MICAL3: variants seen among roughly 807,000 people sequenced by gnomAD.
MICAL3 encodes the protein [F-actin]-monooxygenase MICAL3.
In MICAL3, 62 loss-of-function variants were observed where a neutral mutation model predicts 207.4. The ratio of observed to expected loss-of-function variants is 0.30; its 90% confidence interval spans 0.24 to 0.37. The LOEUF (loss-of-function observed/expected upper bound fraction) is 0.37, where lower values mean the gene tolerates loss of function less well. MICAL3 is among the 10% of genes least tolerant of loss of function. The probability of loss-of-function intolerance (pLI) is 1.00; values close to 1 mark genes in which losing one functional copy is unlikely to be tolerated. For missense variants in MICAL3, 2,368 were observed against 2,635.6 expected (o/e 0.90, Z 2.22); for synonymous variants, 1,077 against 1,069.3 (o/e 1.01, Z -0.14).
intron 16 of MICAL3, among the ~76,000 whole-genome samples, chr22:17,873,061 A>T (rs1927889935): frequency 6.6e-6 from 1 of 152,210 alleles, no homozygotes; most frequent in Non-Finnish European, 1.5e-5. Flanking sequence ...ACGCAGGGGT[A>T]CCGGCACAGG....
chr22:17,927,579 A>C (rs141622378), intron 1 of MICAL3, among the ~76,000 whole-genome samples: 1 of 151,956 alleles, frequency 6.6e-6, no homozygotes, highest in Non-Finnish European at 1.5e-5. Flanking sequence ...TAACCTCCCA[A>C]CACCCCTGTA....
Position 17,872,011 on chromosome 22 carries a change from T to A in MICAL3, c.2254A>T (p.Lys752Ter). 1 of 1,604,550 alleles carries A rather than the reference T, an allele frequency of 6.2e-7. No homozygotes were observed. Reference protein sequence around the residue: ...IGIRRQGSMKKEFPQNLGGSD... With the variant: ...IGIRRQGSMK ...CCTCCCAGGTTCTGCGGGAACTCCT[T>A]CTTCATGGAGCCCTGCAGGAGGTGG... is the stretch of plus-strand genomic sequence containing the variant. The change falls in exon 17 of 32, where the codon AAG (lysine) becomes TAG (stop). Residue 752 changes from lysine (K) to a stop codon, truncating the protein, a stop_gained. Transcript: ENST00000441493. LOFTEE classifies it high-confidence loss of function.
rs749063227 is a variant in MICAL3, at chr22:17,791,065, C to T, written c.5757G>A (p.Arg1919=). The T allele has an allele frequency of 4.3e-6, 7 of 1,611,566 alleles. No homozygotes were observed. The highest frequency in any genetic ancestry group is 5.9e-6 in the Non-Finnish European group (7 of 1,179,650). Residue 1919 remains arginine (R), a synonymous_variant, in exon 31 of 32, where the codon CGG becomes CGA. Transcript: ENST00000441493. ...RYESELMIFA[R]ELELEDRQSR... is the part of the protein sequence containing the mutation. ...TCTGCCGGTCTTCCAGCTCCAGCTC[C>T]CGGGCACTGAGGAGGCAGGGCAGGA... is the stretch of plus-strand genomic sequence containing the variant.
chr22:17,854,636 G>C (rs1040234480), intron 19 of MICAL3, among the ~76,000 whole-genome samples: 1 of 152,194 alleles, frequency 6.6e-6, no homozygotes, highest in African/African-American at 2.4e-5. Flanking sequence ...CCAAGTAGCT[G>C]CATGAGCCGC....
At position 17,818,452 on chromosome 22, in the gene MICAL3, G is replaced by C. The variant is rs1367644136; in HGVS notation, c.4209C>G (p.Thr1403=). Residue 1403 remains threonine, a synonymous_variant, in exon 26 of 32, where the codon ACC becomes ACG. Coordinates refer to ENST00000441493, the MANE Select transcript of MICAL3 (RefSeq NM_015241.3). ...GCTCTCTGTCGGACGGGGACCGGGG[G>C]GTTGGCAGGGACAACGGCTCGCCTT... ...KPEGEPLSLP[T]PRSPSDRELR... 6.2e-7 allele frequency: 1 copy of C among 1,612,894 alleles called. No individual in the cohort carries two copies. The highest frequency in any genetic ancestry group is 1.3e-5 in the African/African-American group (1 of 74,950).
At chr22:17,981,999 G>A (rs1166339752) in intron 1 of MICAL3, among the ~76,000 whole-genome samples, 1 of 152,080 alleles carries the variant, frequency 6.6e-6, no homozygotes, top group Non-Finnish European at 1.5e-5. Flanking sequence ...CAGCTACTTA[G>A]GAGGCTGAGG....
chr22:17,880,369 A>G (rs1171035430), intron 16 of MICAL3, among the ~76,000 whole-genome samples: 2 of 152,246 alleles, frequency 1.3e-5, no homozygotes, highest in African/African-American at 2.4e-5. Context: ...CGTGCTTTCC[A>G]GGCGACAGCG....
intron 1 of MICAL3, among the ~76,000 whole-genome samples, chr22:17,970,236 T>C (rs1935339092): frequency 6.6e-6 from 1 of 152,218 alleles, no homozygotes; most frequent in Non-Finnish European, 1.5e-5. Context: ...CCCGCCCATG[T>C]TGTTGAATGG....
intron 16 of MICAL3, chr22:17,884,286 G>A (rs781655258): frequency 3.2e-5 from 50 of 1,582,246 alleles, no homozygotes; most frequent in African/African-American, 6.9e-5. Flanking sequence ...TGTTTCCACC[G>A]GGGGGTGGGG....
Position 17,904,641 on chromosome 22 carries a change from C to T in MICAL3, c.463G>A (p.Asp155Asn), listed in dbSNP as rs769958412. Residue 155 changes from aspartate (D) to asparagine (N), a missense_variant, in exon 3 of 32, where the codon GAC (aspartate) becomes AAC (asparagine). By Grantham distance (23) the Asp-to-Asn change is conservative. Around this residue, in one of 4 missense-constraint regions of MICAL3, gnomAD observed 400 missense variants for 547.0 expected, o/e 0.73. Coordinates refer to ENST00000441493, the MANE Select transcript of MICAL3 (RefSeq NM_015241.3). The stretch of plus-strand genomic sequence containing the variant: ...AGCTAGTTTTACTTACTGATATGGT[C>T]GATGGCTCCAGCACAGAACTTGCCA... ...FYGKFCAGAIDHISIRQLQLI... is the reference protein window; with the variant it reads ...FYGKFCAGAINHISIRQLQLI... 4.3e-6 allele frequency: 7 copies of T among 1,613,148 alleles called. No individual in the cohort carries two copies. The highest frequency in any genetic ancestry group is 1.1e-5 in the South Asian group (1 of 91,026).
At chr22:17,808,553 T>G (rs2062011107) in intron 29 of MICAL3, among the ~76,000 whole-genome samples, 1 of 151,220 alleles carries the variant, frequency 6.6e-6, no homozygotes, top group Admixed American at 6.6e-5. Flanking sequence ...AATGGTGGGG[T>G]GGGAAGGAGG....
At chr22:17,937,867 A>C (rs1330593370) in intron 1 of MICAL3, among the ~76,000 whole-genome samples, 1 of 152,178 alleles carries the variant, frequency 6.6e-6, no homozygotes, top group African/African-American at 2.4e-5. Flanking sequence ...AAAGCAGTCA[A>C]GATATGAATG....
intron 29 of MICAL3, among the ~76,000 whole-genome samples, chr22:17,802,383 C>T (rs185329545): frequency 2.9e-3 from 439 of 152,270 alleles, no homozygotes; most frequent in Non-Finnish European, 5.1e-3. Context: ...TTAGAATAGA[C>T]ATAAACACTC....
intron 29 of MICAL3, among the ~76,000 whole-genome samples, chr22:17,800,935 G>A (rs2061930564): frequency 6.6e-6 from 1 of 152,138 alleles, no homozygotes; most frequent in South Asian, 2.1e-4. Flanking sequence ...CGAGAACAGG[G>A]CCTAAAGTCC....
intron 1 of MICAL3, among the ~76,000 whole-genome samples, chr22:18,012,703 C>A (rs897821728): frequency 6.6e-6 from 1 of 152,190 alleles, no homozygotes; most frequent in South Asian, 2.1e-4. Flanking sequence ...GACACGCCTA[C>A]GAAGAATGCT....
At chr22:17,826,528 A>T (rs1476098374) in intron 22 of MICAL3, 1 of 985,534 alleles carries the variant, frequency 1.0e-6, no homozygotes, top group Non-Finnish European at 1.2e-6. Flanking sequence ...TGAATTTAAA[A>T]CAGACGACAA....
chr22:18,001,461 C>G (rs906695105), intron 1 of MICAL3: 1 of 152,244 alleles, frequency 6.6e-6, no homozygotes, highest in Non-Finnish European at 1.5e-5. Flanking sequence ...CCCTGTTCCG[C>G]AGCCCGAGCG....
chr22:17,945,637 G>C (rs1200722458), intron 1 of MICAL3, among the ~76,000 whole-genome samples: 2 of 152,142 alleles, frequency 1.3e-5, no homozygotes, highest in Non-Finnish European at 1.5e-5. Context: ...GAGGGGAGGG[G>C]CTCAGTAAAG....
intron 1 of MICAL3, among the ~76,000 whole-genome samples, chr22:17,982,481 G>C (rs1935958552): frequency 6.6e-6 from 1 of 152,156 alleles, no homozygotes; most frequent in Non-Finnish European, 1.5e-5. Context: ...GACCAGCCTG[G>C]CCAAGATGGT....
Sources: allele counts gnomAD v4.1 joint callset (sites outside exome capture counted in the v4.1 genomes callset), GRCh38; gene constraint gnomAD v4.1.1; regional missense constraint gnomAD v4.1.1; transcripts MANE v1.5; gene names NCBI Gene and HGNC (gene_info 2026-07-23, HGNC 2026-07-21).